NATD1: variants seen among roughly 807,000 people sequenced by gnomAD.
The protein encoded by NATD1 is protein NATD1.
In NATD1, 9 loss-of-function variants were observed where a neutral mutation model predicts 12.0. The ratio of observed to expected loss-of-function variants is 0.75; its 90% confidence interval spans 0.45 to 1.30. NATD1 has a LOEUF of 1.30. Among genes scored for constraint, NATD1 ranks in the 50% most tolerant of loss-of-function variants. The pLI is 0.00. For synonymous variants in NATD1, 71 were observed against 65.9 expected (o/e 1.08, Z -0.37); for missense variants, 148 against 148.5 (o/e 1.00, Z 0.02).
chr17:21,247,270 CT>C (rs1383709085), intron 1 of NATD1, among the ~76,000 whole-genome samples: 1 of 152,254 alleles, frequency 6.6e-6, no homozygotes, highest in East Asian at 1.9e-4. Context: ...AAAACAACTG[CT>C]TTCTGTCTTT....
intron 1 of NATD1, among the ~76,000 whole-genome samples, chr17:21,246,522 A>G (rs1007741950): frequency 1.4e-5 from 2 of 148,062 alleles, no homozygotes; most frequent in African/African-American, 5.0e-5. Flanking sequence ...CTCAAAAAAA[A>G]AAGAAAAAAA....
intron 1 of NATD1, among the ~76,000 whole-genome samples, chr17:21,247,576 G>A (rs1474280917): frequency 6.6e-6 from 1 of 152,200 alleles, no homozygotes; most frequent in Non-Finnish European, 1.5e-5. Flanking sequence ...CCCGGGACAG[G>A]TCAGTTCTCT....
chr17:21,247,704 C>G (rs773034778), intron 1 of NATD1, among the ~76,000 whole-genome samples: 23 of 152,184 alleles, frequency 1.5e-4, no homozygotes, highest in Non-Finnish European at 2.9e-4. Flanking sequence ...GTCCTGCCCC[C>G]CTGTGCTAGT....
chr17:21,239,956 T>G lies in NATD1; in HGVS notation c.*3357A>C, dbSNP rs570224025. The G allele has an allele frequency of 2.0e-5, 3 of 152,386 alleles. No homozygotes were observed. The highest frequency in any genetic ancestry group is 1.3e-4 in the Admixed American group (2 of 15,310). The allele number at this position is 152,386 out of a possible 1,614,324, so 9.4% of individuals were successfully genotyped here. A position where few individuals can be genotyped will look rare whatever the true frequency, so the allele number is the denominator to read the frequency against. The stretch of plus-strand genomic sequence containing the variant: ...GCCTGGTGCAAGATTTTCACTTGTT[T>G]TGGAAGCATTAGCCACAGCTTTTCC... On this transcript the variant is annotated 3_prime_UTR_variant, in exon 3 of 3. Transcript: ENST00000611551.
intron 1 of NATD1, among the ~76,000 whole-genome samples, chr17:21,250,464 C>T (rs1282985592): frequency 6.6e-6 from 1 of 152,194 alleles, no homozygotes; most frequent in Non-Finnish European, 1.5e-5. Context: ...AAAACTGACT[C>T]TATTTCTTGT....
At chr17:21,245,177 C>A (rs1975314736) in intron 1 of NATD1, among the ~76,000 whole-genome samples, 1 of 152,070 alleles carries the variant, frequency 6.6e-6, no homozygotes, top group Non-Finnish European at 1.5e-5. Flanking sequence ...GAGGGAACAG[C>A]CAGTGCAAAG....
Position 21,243,253 on chromosome 17 carries a change from G to T in NATD1, c.*60C>A. ...GGACCAGGTTCCTGAGAGCACGTGG[G>T]GCCAGGCAAAGGCCACGTGGAAGAG... On this transcript the variant is annotated 3_prime_UTR_variant, in exon 3 of 3. Coordinates refer to ENST00000611551, the MANE Select transcript of NATD1 (RefSeq NM_152914.3). The T allele has an allele frequency of 7.2e-7, 1 of 1,397,064 alleles. No homozygotes were observed. The highest frequency in any genetic ancestry group is 9.9e-7 in the Non-Finnish European group (1 of 1,005,294). The allele number at this position is 1,397,064 out of a possible 1,614,324, so 86.5% of individuals were successfully genotyped here.
At position 21,248,545 on chromosome 17, in the gene NATD1, C is replaced by T. The variant is rs117382977; in HGVS notation, c.107-4321G>A. On this transcript the variant is annotated intron_variant, in intron 1 of 2. Transcript: ENST00000611551. ...TCAGGTGAGCCCAAAGGTCACGTGC[C>T]CAGAAGCCTCCCCTGACCACCCGCA... is the stretch of plus-strand genomic sequence containing the variant. Among the ~76,000 whole-genome samples the T allele has an allele frequency of 5.2e-3, 794 of 152,302 alleles. 6 individuals carry two copies. The highest frequency in any genetic ancestry group is 8.8e-3 in the Admixed American group (135 of 15,306).
intron 1 of NATD1, among the ~76,000 whole-genome samples, chr17:21,251,193 G>T (rs996673121): frequency 6.6e-6 from 1 of 152,004 alleles, no homozygotes; most frequent in Non-Finnish European, 1.5e-5. Flanking sequence ...ATTCCAGAAG[G>T]GGGTAAGTTT....
chr17:21,245,315 C>T (rs943957505), intron 1 of NATD1, among the ~76,000 whole-genome samples: 26 of 152,122 alleles, frequency 1.7e-4, no homozygotes, highest in African/African-American at 5.6e-4. Flanking sequence ...CTGAGCTGGG[C>T]GCCACTAGAA....
At chr17:21,243,953 G>A (rs145423578) in intron 2 of NATD1, among the ~76,000 whole-genome samples, 153 bp downstream of exon 2, 3 of 152,298 alleles carry the variant, frequency 2.0e-5, no homozygotes, top group Middle Eastern at 3.4e-3. Flanking sequence ...TGCAGAACAG[G>A]AGCCTGGGCC....
chr17:21,243,427 G>A lies in NATD1; in HGVS notation c.228C>T (p.Ala76=), dbSNP rs770483236. The A allele has an allele frequency of 2.1e-5, 34 of 1,611,884 alleles. No individual in the cohort carries two copies. Among genetic ancestry groups the A allele is most frequent in the East Asian group, 1.1e-4 (5 of 44,874 alleles). The part of the protein sequence containing the change: ...GRGIAKHLAK[A]ALDFVVEEDL... ...CCTCCTCCACCACGAAGTCCAGGGCGGCCTGGGAGCCGGGCAGAGAGGAGA... is the reference window on the plus strand; with the variant it reads ...CCTCCTCCACCACGAAGTCCAGGGCAGCCTGGGAGCCGGGCAGAGAGGAGA... The change falls in exon 3 of 3, where the codon GCC becomes GCT. Residue 76 remains alanine, a splice_region_variant and synonymous_variant. Transcript: ENST00000611551.
intron 1 of NATD1, among the ~76,000 whole-genome samples, chr17:21,246,650 T>C (rs908835252): frequency 7.9e-5 from 12 of 152,068 alleles, no homozygotes; most frequent in Non-Finnish European, 1.5e-5. Flanking sequence ...TTGTTATCAC[T>C]GCATTCCAGC....
At chr17:21,252,265 A>G (rs1426752443) in intron 1 of NATD1, among the ~76,000 whole-genome samples, 1 of 132,686 alleles carries the variant, frequency 7.5e-6, no homozygotes, top group Non-Finnish European at 1.7e-5. Flanking sequence ...AGATTGTGTC[A>G]CAGGAACATT....
rs1179399710 is a variant in NATD1 at position 21,241,373 on chromosome 17, T to TAAG, written c.*1939_*1940insCTT. 6.6e-6 allele frequency: 1 copy of TAAG among 151,476 alleles called. No homozygotes were observed. The highest frequency in any genetic ancestry group is 1.5e-5 in the Non-Finnish European group (1 of 67,960). 9.4% of individuals were successfully genotyped at this position (151,476 alleles called of 1,614,324 possible). A position where few individuals can be genotyped will look rare whatever the true frequency, so the allele number is the denominator to read the frequency against. On this transcript the variant is annotated 3_prime_UTR_variant, in exon 3 of 3. Coordinates refer to ENST00000611551, the MANE Select transcript of NATD1 (RefSeq NM_152914.3). ...GAGGGACGTGTAGATGGGAAGGGGGTGACCTTAGGGAGGGTAAAAGAGGAC... is the reference window on the plus strand; with the variant it reads ...GAGGGACGTGTAGATGGGAAGGGGGTAAGGACCTTAGGGAGGGTAAAAGAGGAC...
rs1481392237 is a variant in NATD1, at chr17:21,243,554, C to T, written c.226-125G>A. On this transcript the variant is annotated intron_variant, in intron 2 of 2. Transcript: ENST00000611551. ...TCCACTTTGCCCAGGTCAGTAACTC[C>T]CTTGAGTTTCAGTGTCACCTGGGAT... 4.4e-6 allele frequency: 3 copies of T among 677,004 alleles called. No individual in the cohort carries two copies. The East Asian group carries it at 8.0e-5, about 18-fold the overall frequency. The allele number at this position is 677,004 out of a possible 1,614,324, so 41.9% of individuals were successfully genotyped here.
In NATD1 at chr17:21,240,879, G is replaced by C. The variant is rs1337393302; in HGVS notation, c.*2434C>G. 6.5e-6 allele frequency: 1 copy of C among 152,846 alleles called. No homozygotes were observed. The highest frequency in any genetic ancestry group is 1.9e-4 in the East Asian group (1 of 5,186). The allele number at this position is 152,846 out of a possible 1,614,324, so 9.5% of individuals were successfully genotyped here. A position where few individuals can be genotyped will look rare whatever the true frequency, so the allele number is the denominator to read the frequency against. On this transcript the variant is annotated 3_prime_UTR_variant, in exon 3 of 3. Transcript: ENST00000611551. ...CAACCCAACCTGGGAAGATGTTATTGCTCTGCTGGAGACCTTGGGCCAGGC... is the reference window on the plus strand; with the variant it reads ...CAACCCAACCTGGGAAGATGTTATTCCTCTGCTGGAGACCTTGGGCCAGGC...
intron 1 of NATD1, among the ~76,000 whole-genome samples, chr17:21,250,174 C>T (rs1004981107): frequency 1.3e-5 from 2 of 152,242 alleles, no homozygotes; most frequent in African/African-American, 2.4e-5. Flanking sequence ...ACAACGGCTT[C>T]CAGGCCCTGC....
rs1245976023 is a variant in NATD1 at position 21,243,305 on chromosome 17, G to C, written c.*8C>G. The C allele has an allele frequency of 6.2e-7, 1 of 1,610,608 alleles. No homozygotes were observed. The highest frequency in any genetic ancestry group is 1.3e-5 in the African/African-American group (1 of 74,928). On this transcript the variant is annotated 3_prime_UTR_variant, in exon 3 of 3. Coordinates refer to ENST00000611551, the MANE Select transcript of NATD1 (RefSeq NM_152914.3). Reference sequence around the variant, plus strand: ...CCGGCAGGGAGCGCTCCCGCCTGCAGGCCAGGGTTACGGCTGCAGGCGCTC... The same window carrying C: ...CCGGCAGGGAGCGCTCCCGCCTGCACGCCAGGGTTACGGCTGCAGGCGCTC...
Sources: allele counts gnomAD v4.1 joint callset (sites outside exome capture counted in the v4.1 genomes callset), GRCh38; gene constraint gnomAD v4.1.1; transcripts MANE v1.5; gene names NCBI Gene and HGNC (gene_info 2026-07-23, HGNC 2026-07-21).